The following DLGAP1 variants were observed in gnomAD, a reference collection of about 807,000 sequenced individuals.
The protein encoded by DLGAP1 is DLG associated protein 1, also known as disks large-associated protein 1.
DLGAP1 carries 11 observed loss-of-function variants against 90.8 expected under a neutral mutation model. That is an observed-to-expected ratio of 0.12 (90% CI 0.08 to 0.20). The LOEUF (loss-of-function observed/expected upper bound fraction) is 0.20. Ranked by LOEUF, DLGAP1 falls within the 10% of genes least tolerant of loss-of-function variation. The pLI, the probability that DLGAP1 is intolerant of heterozygous loss-of-function variation, is 1.00. For missense variants in DLGAP1, 1,050 were observed against 1,333.8 expected (o/e 0.79, Z 3.31); for synonymous variants, 558 against 540.7 (o/e 1.03, Z -0.44).
At chr18:3,974,218 G>A (rs1238385919) in intron 3 of DLGAP1, among the ~76,000 whole-genome samples, 8 of 152,064 alleles carry the variant, frequency 5.3e-5, no homozygotes, top group East Asian at 1.9e-4. Context: ...GGGATCACAG[G>A]TGCCCACCAC....
intron 7 of DLGAP1, among the ~76,000 whole-genome samples, chr18:3,685,612 A>AATAT: frequency 6.8e-6 from 1 of 145,986 alleles, no homozygotes; most frequent in African/African-American, 2.6e-5. Flanking sequence ...GTACCCTTTA[A>AATAT]TTATTTATTT....
In DLGAP1 at chr18:3,758,877, C is replaced by T. The variant is rs541991103; in HGVS notation, c.1173-16365G>A. 3.3e-5 allele frequency among the ~76,000 whole-genome samples: 5 copies of T among 152,262 alleles called. 1 individual carries two copies. In the South Asian group the frequency reaches 1.0e-3, roughly 32 times the overall value. ...ACAAATTTTACGTTTTTTGCAACAA[C>T]ACAGTTTTCCTTAAACATTAATTTT... is the stretch of plus-strand genomic sequence containing the variant. On this transcript the variant is annotated intron_variant, in intron 5 of 12. Transcript: ENST00000315677.
chr18:4,394,658 A>G (rs1433261207), intron 1 of DLGAP1, among the ~76,000 whole-genome samples: 24 of 152,222 alleles, frequency 1.6e-4, no homozygotes, highest in Admixed American at 1.2e-3. Context: ...GTTAAAATAT[A>G]TCTTCTTTGT....
At chr18:4,149,795 A>C (rs2076643676) in intron 2 of DLGAP1, among the ~76,000 whole-genome samples, 1 of 151,410 alleles carries the variant, frequency 6.6e-6, no homozygotes. Context: ...CCATCTCCCC[A>C]CCTCCCCACC....
At chr18:3,604,356 C>T (rs1170660145) in intron 7 of DLGAP1, 1 of 152,152 alleles carries the variant, frequency 6.6e-6, no homozygotes, top group Non-Finnish European at 1.5e-5. Context: ...CATTTCCCTT[C>T]TTCTTTTAAT....
intron 5 of DLGAP1, among the ~76,000 whole-genome samples, chr18:3,780,526 C>T (rs6506132): frequency 0.065 from 4,063 of 62,792 alleles, 151 homozygotes; most frequent in African/African-American, 0.17. Flanking sequence ...CTGTCCAGGT[C>T]CCCCTCCAAC....
intron 1 of DLGAP1, among the ~76,000 whole-genome samples, chr18:4,356,839 C>G (rs1280302714): frequency 6.6e-6 from 1 of 152,132 alleles, no homozygotes; most frequent in Non-Finnish European, 1.5e-5. Context: ...CCTATTATCA[C>G]CTTTGTTTGC....
At chr18:3,898,050 T>C (rs1025191959) in intron 3 of DLGAP1, among the ~76,000 whole-genome samples, 3 of 152,182 alleles carry the variant, frequency 2.0e-5, no homozygotes, top group Non-Finnish European at 2.9e-5. Flanking sequence ...CGCCTTGGCC[T>C]CCCAAAGTGC....
At chr18:3,670,211 GACTTAAT>G (rs747821020) in intron 7 of DLGAP1, among the ~76,000 whole-genome samples, 6 of 152,282 alleles carry the variant, frequency 3.9e-5, no homozygotes, top group African/African-American at 1.4e-4. Context: ...AGCATATTCA[GACTTAAT>G]ACAAAATGGA....
At chr18:3,904,755 T>C (rs2071859225) in intron 3 of DLGAP1, among the ~76,000 whole-genome samples, 1 of 152,202 alleles carries the variant, frequency 6.6e-6, no homozygotes, top group Non-Finnish European at 1.5e-5. Flanking sequence ...TTGATACAAA[T>C]GTTAATTGAT....
chr18:3,579,972 T>C (rs1202368805), intron 8 of DLGAP1, among the ~76,000 whole-genome samples: 1 of 152,188 alleles, frequency 6.6e-6, no homozygotes, highest in Non-Finnish European at 1.5e-5. Flanking sequence ...GAACATACTG[T>C]TATGTGGCTC....
chr18:3,664,218 C>A (rs11877368), intron 7 of DLGAP1, among the ~76,000 whole-genome samples: 4,440 of 75,610 alleles, frequency 0.059, 186 homozygotes, highest in African/African-American at 0.21. Flanking sequence ...ACACACACAC[C>A]CACACACACA....
intron 7 of DLGAP1, among the ~76,000 whole-genome samples, chr18:3,668,436 C>T (rs917470289): frequency 1.3e-5 from 2 of 152,166 alleles, no homozygotes; most frequent in Admixed American, 1.3e-4. Context: ...CCTCAGCCTC[C>T]AAGTAGCTAG....
chr18:4,170,018 G>T (rs961116318), intron 1 of DLGAP1, among the ~76,000 whole-genome samples: 9 of 152,176 alleles, frequency 5.9e-5, no homozygotes. Context: ...TGAGGGATGG[G>T]CGGGGACAGA....
chr18:3,720,734 T>A (rs113436262), intron 7 of DLGAP1, among the ~76,000 whole-genome samples: 3 of 151,852 alleles, frequency 2.0e-5, no homozygotes, highest in Admixed American at 1.3e-4. Flanking sequence ...AAGGCTTTTT[T>A]AAATGGCAGT....
Position 3,506,956 on chromosome 18 carries a change from T to C in DLGAP1, c.2571+1614A>G, listed in dbSNP as rs569185906. On this transcript the variant is annotated intron_variant, in intron 11 of 12. Coordinates refer to ENST00000315677, the MANE Select transcript of DLGAP1 (RefSeq NM_004746.4). ...GATCTCATAAGCCAGAATAAATTTC[T>C]GAAAAATTGGAAGAAGGGTGAGTTT... is the stretch of plus-strand genomic sequence containing the variant. Among the ~76,000 whole-genome samples the C allele has an allele frequency of 7.2e-5, 11 of 152,202 alleles. 1 individual carries two copies. The South Asian group carries it at 2.3e-3, about 32-fold the overall frequency.
intron 7 of DLGAP1, chr18:3,607,417 C>T (rs890046467): frequency 6.6e-6 from 1 of 152,158 alleles, no homozygotes; most frequent in Non-Finnish European, 1.5e-5. Flanking sequence ...CTCAGCCTCC[C>T]AAAATACTGG....
At chr18:4,370,589 G>A (rs903850758) in intron 1 of DLGAP1, among the ~76,000 whole-genome samples, 2 of 152,224 alleles carry the variant, frequency 1.3e-5, no homozygotes, top group African/African-American at 4.8e-5. Flanking sequence ...CTTCTTCCCA[G>A]AAGAAAAATG....
At chr18:3,870,098 C>G (rs1399791581) in intron 4 of DLGAP1, among the ~76,000 whole-genome samples, 1 of 152,192 alleles carries the variant, frequency 6.6e-6, no homozygotes, top group Non-Finnish European at 1.5e-5. Flanking sequence ...TTAAGCCTTA[C>G]AGTTCCCTAG....
Sources: gnomAD v4.1 joint callset for allele counts (sites outside exome capture counted in the v4.1 genomes callset) on GRCh38, gnomAD v4.1.1 for gene constraint, MANE v1.5 for transcripts, NCBI Gene and HGNC (gene_info 2026-07-23, HGNC 2026-07-21) for gene names.